Variants in PDE11A observed in about 807,000 individuals in gnomAD.
PDE11A encodes dual 3',5'-cyclic-AMP and -GMP phosphodiesterase 11A.
A neutral mutation model predicts 100.5 loss-of-function variants in PDE11A; 100 were observed. The observed-to-expected ratio is 1.00, with a 90% CI of 0.85 to 1.18. The LOEUF (loss-of-function observed/expected upper bound fraction) is 1.18, where lower values mean the gene tolerates loss of function less well. Ranked by LOEUF, PDE11A falls within the 50% of genes most tolerant of loss-of-function variation. PDE11A has a pLI of 0.00. For missense variants in PDE11A, 1,141 were observed against 1,152.6 expected, an observed-to-expected ratio of 0.99 and a Z score of 0.15; for synonymous variants, 381 against 420.8, an observed-to-expected ratio of 0.91 and a Z score of 1.16.
At chr2:178,081,979 A>G (rs1311470195) in intron 2 of PDE11A, among the ~76,000 whole-genome samples, 1 of 152,240 alleles carries the variant, frequency 6.6e-6, no homozygotes, top group African/African-American at 2.4e-5. Flanking sequence ...AAGTGGGAGC[A>G]GTGCTATCTG....
At chr2:177,677,304 G>C (rs376513186) in intron 16 of PDE11A, among the ~76,000 whole-genome samples, 9 of 152,036 alleles carry the variant, frequency 5.9e-5, no homozygotes, top group African/African-American at 1.9e-4. Flanking sequence ...TCTTATTAAA[G>C]TTAAAAAAAT....
rs774783653 is a variant in PDE11A, at chr2:177,728,159, G to C, written c.1802C>G (p.Pro601Arg). 8.1e-6 allele frequency: 13 copies of C among 1,613,338 alleles called. No homozygotes were observed. Among genetic ancestry groups the C allele is most frequent in the Non-Finnish European group, 9.3e-6 (11 of 1,179,548 alleles). ...ATCGATGGCAAGTTCTGACACCAGAGGGATGTTGGCTGCCTAGAAAAGCAA... is the reference window on the plus strand; with the variant it reads ...ATCGATGGCAAGTTCTGACACCAGACGGATGTTGGCTGCCTAGAAAAGCAA... ...EVDKFKAANIPLVSELAIDDI... is the reference protein window; with the variant it reads ...EVDKFKAANIRLVSELAIDDI... Residue 601 changes from proline (P) to arginine (R), a missense_variant, in exon 11 of 20, where the codon CCT becomes CGT. Transcript: ENST00000286063.
At chr2:178,063,559 G>T (rs572546316) in intron 1 of PDE11A, among the ~76,000 whole-genome samples, 1 of 152,276 alleles carries the variant, frequency 6.6e-6, no homozygotes, top group East Asian at 1.9e-4. Flanking sequence ...AACTAGACAG[G>T]GTAGGTAGCT....
chr2:177,783,641 C>G (rs1420753792), intron 9 of PDE11A, among the ~76,000 whole-genome samples: 1 of 152,132 alleles, frequency 6.6e-6, no homozygotes, highest in Non-Finnish European at 1.5e-5. Flanking sequence ...TGCTTTAAGT[C>G]TAACATCTGG....
chr2:177,951,739 T>C (rs570463034), intron 2 of PDE11A, among the ~76,000 whole-genome samples: 1 of 152,238 alleles, frequency 6.6e-6, no homozygotes, highest in East Asian at 1.9e-4. Context: ...GCCCAACTCT[T>C]CTATAATGGG....
chr2:177,764,211 A>G (rs1327662202), intron 10 of PDE11A, among the ~76,000 whole-genome samples: 1 of 152,058 alleles, frequency 6.6e-6, no homozygotes, highest in African/African-American at 2.4e-5. Flanking sequence ...ATTTTATTTT[A>G]TTTACTAGGA....
chr2:178,087,329 G>C (rs989450194), intron 2 of PDE11A, among the ~76,000 whole-genome samples: 2 of 148,662 alleles, frequency 1.3e-5, no homozygotes, highest in African/African-American at 5.0e-5. Flanking sequence ...CTCCACCCTG[G>C]ATGACTAGAG....
At chr2:177,925,548 T>C (rs907886593) in intron 2 of PDE11A, among the ~76,000 whole-genome samples, 4 of 152,246 alleles carry the variant, frequency 2.6e-5, no homozygotes, top group Admixed American at 6.5e-5. Flanking sequence ...TGTCTGTTCA[T>C]GTCCTTCGCC....
intron 17 of PDE11A, among the ~76,000 whole-genome samples, chr2:177,674,201 A>G (rs989562986): frequency 6.6e-5 from 10 of 152,200 alleles, no homozygotes; most frequent in African/African-American, 2.4e-4. Context: ...CAGGCTGCTT[A>G]TCCTTTCTAA....
At chr2:177,909,136 C>T (rs985838872) in intron 2 of PDE11A, among the ~76,000 whole-genome samples, 1 of 152,132 alleles carries the variant, frequency 6.6e-6, no homozygotes, top group Non-Finnish European at 1.5e-5. Context: ...ACAAATGTAA[C>T]AAACTCCTTA....
chr2:177,810,884 A>C (rs892469322), intron 9 of PDE11A, among the ~76,000 whole-genome samples: 1 of 152,114 alleles, frequency 6.6e-6, no homozygotes, highest in African/African-American at 2.4e-5. Flanking sequence ...AGGCAGAAAT[A>C]GATGGGAGAG....
chr2:177,872,567 CA>C (rs373826989), intron 5 of PDE11A, among the ~76,000 whole-genome samples: 130 of 152,282 alleles, frequency 8.5e-4, no homozygotes, highest in African/African-American at 3.0e-3. Context: ...CAGCAAGCCT[CA>C]AACCAGAGTT....
intron 1 of PDE11A, among the ~76,000 whole-genome samples, chr2:178,014,912 C>T (rs2086316875): frequency 6.6e-6 from 1 of 151,820 alleles, no homozygotes; most frequent in Admixed American, 6.6e-5. Flanking sequence ...AATGATATTT[C>T]AAAATCCTCC....
chr2:177,883,814 C>A (rs1232715464), intron 4 of PDE11A, among the ~76,000 whole-genome samples: 4 of 151,996 alleles, frequency 2.6e-5, no homozygotes. Flanking sequence ...TGAGGTTACA[C>A]AAGAGGGAGG....
At chr2:177,693,156 C>CCCT (rs1488198227) in intron 15 of PDE11A, among the ~76,000 whole-genome samples, 1 of 152,150 alleles carries the variant, frequency 6.6e-6, no homozygotes, top group East Asian at 1.9e-4. Context: ...GCTCACCCAC[C>CCCT]CCTCTCCTGC....
intron 19 of PDE11A, among the ~76,000 whole-genome samples, chr2:177,662,503 G>A (rs1454818327): frequency 1.3e-5 from 2 of 152,206 alleles, no homozygotes; most frequent in African/African-American, 4.8e-5. Flanking sequence ...TGCAAAGCAA[G>A]ATACACCTGA....
In PDE11A at chr2:177,624,466, T is replaced by G. The variant is rs1388123184; in HGVS notation, c.*4941A>C. On this transcript the variant is annotated 3_prime_UTR_variant, in exon 20 of 20. Coordinates refer to ENST00000286063, the MANE Select transcript of PDE11A (RefSeq NM_016953.4). ...CAGAATAAATTGGGCAGATTCTGTT[T>G]AATTACCTAGTGTTAAGTGGAAAAA... The G allele has an allele frequency of 6.6e-6, 1 of 152,174 alleles. No homozygotes were observed. Among genetic ancestry groups the G allele is most frequent in the Non-Finnish European group, 1.5e-5 (1 of 68,024 alleles). 9.4% of individuals were successfully genotyped at this position (152,174 alleles called of 1,614,324 possible). A position where few individuals can be genotyped will look rare whatever the true frequency, so the allele number is the denominator to read the frequency against.
intron 2 of PDE11A, among the ~76,000 whole-genome samples, chr2:177,935,429 T>C (rs2085260258): frequency 6.6e-6 from 1 of 152,202 alleles, no homozygotes; most frequent in Admixed American, 6.5e-5. Flanking sequence ...CATTTTACCA[T>C]ATTGATTTAT....
rs768524227 is a variant in PDE11A at position 177,627,017 on chromosome 2, C to CTTTTTTTT, written c.*2382_*2389dup. 2.4e-5 allele frequency: 1 copy of CTTTTTTTT among 40,916 alleles called. No individual in the cohort carries two copies. Among genetic ancestry groups the CTTTTTTTT allele is most frequent in the African/African-American group, 1.4e-4 (1 of 6,998 alleles). The allele number at this position is 40,916 out of a possible 1,614,324, so 2.5% of individuals were successfully genotyped here. ...TATTCCCCTCTTAGTCTGGTTTATA[C>CTTTTTTTT]TTTTTTTTTTTTTTTTTTTTTTTTT... On this transcript the variant is annotated 3_prime_UTR_variant, in exon 20 of 20. Coordinates refer to ENST00000286063, the MANE Select transcript of PDE11A (RefSeq NM_016953.4).
Sources: gnomAD v4.1 joint callset for allele counts (sites outside exome capture counted in the v4.1 genomes callset) on GRCh38, gnomAD v4.1.1 for gene constraint, MANE v1.5 for transcripts, NCBI Gene and HGNC (gene_info 2026-07-23, HGNC 2026-07-21) for gene names.